The following KIF1B variants were observed in gnomAD, a reference collection of about 807,000 sequenced individuals.
KIF1B encodes kinesin family member 1B, also known as kinesin-like protein KIF1B.
A neutral mutation model predicts 241.9 loss-of-function variants in KIF1B; 76 were observed. The observed-to-expected ratio is 0.31, with a 90% CI of 0.26 to 0.38. The LOEUF is 0.38. Ranked by LOEUF, KIF1B falls within the 10% of genes least tolerant of loss-of-function variation. The probability of loss-of-function intolerance (pLI) is 1.00; values close to 1 mark genes in which losing one functional copy is unlikely to be tolerated. For missense variants in KIF1B, 1,622 were observed against 2,271.4 expected (o/e 0.71, Z 5.81); for synonymous variants, 750 against 796.7 (o/e 0.94, Z 0.99).
chr1:10,367,345 C>T (rs1275989887), intron 43 of KIF1B, among the ~76,000 whole-genome samples: 1 of 151,818 alleles, frequency 6.6e-6, no homozygotes, highest in African/African-American at 2.4e-5. Context: ...ATCCACCCGC[C>T]TCAGCCTCCC....
At chr1:10,332,516 T>C (rs1226102245) in intron 27 of KIF1B, among the ~76,000 whole-genome samples, 2 of 121,038 alleles carry the variant, frequency 1.7e-5, no homozygotes, top group African/African-American at 3.2e-5. Context: ...TTTTTTTTTT[T>C]TTTTTTTTTT....
At chr1:10,373,094 C>A (rs183947230) in intron 45 of KIF1B, among the ~76,000 whole-genome samples, 31 of 151,078 alleles carry the variant, frequency 2.1e-4, no homozygotes, top group African/African-American at 7.3e-4. Flanking sequence ...GGATTACAGG[C>A]GTGAGCCACT....
chr1:10,242,354 C>T (rs1341541511), intron 2 of KIF1B, among the ~76,000 whole-genome samples: 3 of 152,142 alleles, frequency 2.0e-5, no homozygotes, highest in Admixed American at 6.6e-5. Flanking sequence ...CTACTCCATA[C>T]GTAGGCTCTG....
At chr1:10,320,209 A>G (rs1025024753) in intron 23 of KIF1B, 73 bp downstream of exon 23, 12 of 1,017,554 alleles carry the variant, frequency 1.2e-5, no homozygotes, top group Middle Eastern at 4.1e-4. Flanking sequence ...TCATTTATGC[A>G]TAATCAAAGC....
At chr1:10,350,114 C>G (rs563441543) in intron 37 of KIF1B, among the ~76,000 whole-genome samples, 1 of 151,624 alleles carries the variant, frequency 6.6e-6, no homozygotes, top group South Asian at 2.1e-4. Flanking sequence ...CATGGTGAAA[C>G]CCCGTCTCTA....
At chr1:10,278,699 TG>T in intron 13 of KIF1B, 1 of 188,338 alleles carries the variant, frequency 5.3e-6, no homozygotes, top group Non-Finnish European at 1.1e-5. Context: ...CAGAGAGTAT[TG>T]TTTTACAATG....
chr1:10,333,519 G>T (rs182247572), intron 27 of KIF1B, among the ~76,000 whole-genome samples: 100 of 151,138 alleles, frequency 6.6e-4, no homozygotes, highest in African/African-American at 2.4e-3. Context: ...GTGAAACCCT[G>T]TCTCTAGTAA....
In KIF1B at chr1:10,365,320, T is replaced by C; in HGVS notation, c.4512+75T>C. 3 of 1,613,552 alleles carry C rather than the reference T, an allele frequency of 1.9e-6. No individual in the cohort carries two copies. Among genetic ancestry groups the C allele is most frequent in the Non-Finnish European group, 2.5e-6 (3 of 1,179,642 alleles). On this transcript the variant is annotated intron_variant, in intron 42 of 48. Coordinates refer to ENST00000676179, the MANE Select transcript of KIF1B (RefSeq NM_001365951.3). The surrounding 1 kb of genome is among the most constrained non-coding windows in gnomAD (Gnocchi z 4.0). ...CCAAAGTATCAGTCTTCCTCCCCGC[T>C]GCTGCATGTGATCATAGCTTTTCAC...
chr1:10,251,896 G>A (rs368065801), intron 2 of KIF1B, among the ~76,000 whole-genome samples: 1 of 152,072 alleles, frequency 6.6e-6, no homozygotes, highest in South Asian at 2.1e-4. Flanking sequence ...TGTCATCATT[G>A]TTCTTATTGC....
chr1:10,305,226 T>C (rs1186038898), intron 22 of KIF1B: 1 of 1,044,250 alleles, frequency 9.6e-7, no homozygotes, highest in Non-Finnish European at 1.2e-6. Flanking sequence ...TACATAGCTT[T>C]GCATCTTCCA....
chr1:10,374,431 A>G lies in KIF1B; in HGVS notation c.5062A>G (p.Asn1688Asp). Residue 1688 changes from asparagine (N) to aspartate (D), a missense_variant, in exon 46 of 49, where the codon AAT becomes GAT. By Grantham distance (23) the Asn-to-Asp change is conservative. This residue lies in a region of KIF1B where 357 missense variants were observed against 409.0 expected (regional missense o/e 0.87). Transcript: ENST00000676179. The surrounding 1 kb of genome is among the most constrained non-coding windows in gnomAD (Gnocchi z 4.3). The part of the protein sequence containing the change: ...LARAGKNEFL[N>D]LVPDIEEIRP... ...CCGAGCAGGAAAAAACGAATTTCTC[A>G]ATCTTGTTCCAGATATTGAAGAAAT... 1 of 1,614,206 alleles carries G rather than the reference A, an allele frequency of 6.2e-7. No homozygotes were observed. The highest frequency in any genetic ancestry group is 8.5e-7 in the Non-Finnish European group (1 of 1,180,040).
At chr1:10,307,560 T>G (rs1650890992) in intron 22 of KIF1B, 10 of 821,940 alleles carry the variant, frequency 1.2e-5, no homozygotes, top group Non-Finnish European at 1.3e-5. Context: ...TCCACCTGCC[T>G]TGGCCTCCCA....
intron 38 of KIF1B, among the ~76,000 whole-genome samples, chr1:10,355,893 T>A (rs1638228321): frequency 6.6e-6 from 1 of 152,146 alleles, no homozygotes; most frequent in Admixed American, 6.5e-5. Context: ...TTATATATAT[T>A]TTTTAACATT....
chr1:10,361,970 T>C lies in KIF1B; in HGVS notation c.4304+145T>C. ...TAACTGACACCTGGAATGTACTGAC[T>C]TGCATGCTGACATTTAATAAAATGT... On this transcript the variant is annotated intron_variant, in intron 40 of 48. Transcript: ENST00000676179. The C allele has an allele frequency of 7.9e-6, 7 of 882,340 alleles. No individual in the cohort carries two copies. In the South Asian group the frequency reaches 9.6e-5, roughly 12 times the overall value. The allele number at this position is 882,340 out of a possible 1,614,324, so 54.7% of individuals were successfully genotyped here.
chr1:10,281,064 C>G (rs961665551), intron 14 of KIF1B, among the ~76,000 whole-genome samples: 3 of 152,108 alleles, frequency 2.0e-5, no homozygotes, highest in African/African-American at 7.2e-5. Context: ...TCTGTATTTG[C>G]AGATGGTGGT....
chr1:10,316,994 C>T (rs1335141809), intron 22 of KIF1B, among the ~76,000 whole-genome samples: 1 of 151,278 alleles, frequency 6.6e-6, no homozygotes, highest in Non-Finnish European at 1.5e-5. Flanking sequence ...CGCACTACAG[C>T]CTTCAACTCC....
chr1:10,261,372 G>A, intron 4 of KIF1B, among the ~76,000 whole-genome samples: 1 of 151,330 alleles, frequency 6.6e-6, no homozygotes, highest in African/African-American at 2.4e-5. Flanking sequence ...CTGGGTTCAA[G>A]CGATTCTCCT....
intron 22 of KIF1B, among the ~76,000 whole-genome samples, chr1:10,318,153 T>C (rs1651377126): frequency 6.6e-6 from 1 of 151,412 alleles, no homozygotes; most frequent in Non-Finnish European, 1.5e-5. Context: ...TGTAGTTGGT[T>C]CGTGGTCTTG....
At chr1:10,304,980 A>C (rs935564027) in intron 22 of KIF1B, 2 of 1,137,360 alleles carry the variant, frequency 1.8e-6, no homozygotes, top group African/African-American at 3.2e-5. Flanking sequence ...AATGCCTATA[A>C]ATTAATCTGA....
Sources: allele counts gnomAD v4.1 joint callset (sites outside exome capture counted in the v4.1 genomes callset), GRCh38; gene constraint gnomAD v4.1.1; regional missense constraint gnomAD v4.1.1; non-coding constraint Gnocchi (gnomAD v3.1); transcripts MANE v1.5; gene names NCBI Gene and HGNC (gene_info 2026-07-23, HGNC 2026-07-21).